Variants in FAM135B observed in about 807,000 individuals in gnomAD.
FAM135B encodes family with sequence similarity 135 member B.
A neutral mutation model predicts 127.7 loss-of-function variants in FAM135B; 43 were observed. The ratio of observed to expected loss-of-function variants is 0.34; its 90% CI spans 0.26 to 0.43. The LOEUF (loss-of-function observed/expected upper bound fraction) is 0.43. FAM135B is among the 20% of genes least tolerant of loss of function. The probability of loss-of-function intolerance (pLI) is 1.00; values close to 1 mark genes in which losing one functional copy is unlikely to be tolerated. For synonymous variants in FAM135B, 670 were observed against 665.1 expected (o/e 1.01, Z -0.11); for missense variants, 1,558 against 1,725.6 (o/e 0.90, Z 1.72).
chr8:138,416,415 T>A (rs1834157378), intron 1 of FAM135B, among the ~76,000 whole-genome samples: 1 of 152,212 alleles, frequency 6.6e-6, no homozygotes, highest in African/African-American at 2.4e-5. Context: ...GTACTTGTTT[T>A]ATTTCATCCA....
intron 1 of FAM135B, among the ~76,000 whole-genome samples, chr8:138,430,217 T>G (rs1835117973): frequency 6.6e-6 from 1 of 152,198 alleles, no homozygotes; most frequent in African/African-American, 2.4e-5. Flanking sequence ...GTGCCCATGC[T>G]GTTCCCACTT....
At chr8:138,387,176 T>C (rs78399789) in intron 1 of FAM135B, among the ~76,000 whole-genome samples, 378 of 152,280 alleles carry the variant, frequency 2.5e-3, no homozygotes, top group African/African-American at 8.6e-3. Context: ...ATTAACATTA[T>C]AGTTGCACAG....
At chr8:138,326,190 A>G (rs1235964400) in intron 2 of FAM135B, among the ~76,000 whole-genome samples, 1 of 152,148 alleles carries the variant, frequency 6.6e-6, no homozygotes, top group Non-Finnish European at 1.5e-5. Flanking sequence ...GTCAGCCCAG[A>G]TGGGGTTCTA....
intron 2 of FAM135B, among the ~76,000 whole-genome samples, chr8:138,338,331 A>C (rs1276739444): frequency 4.6e-5 from 7 of 151,842 alleles, no homozygotes; most frequent in African/African-American, 1.7e-4. Context: ...CAACCTACAA[A>C]ATGGGAGAAA....
intron 14 of FAM135B, among the ~76,000 whole-genome samples, chr8:138,147,614 A>C (rs1817758608): frequency 6.6e-6 from 1 of 152,186 alleles, no homozygotes. Flanking sequence ...TGCACCTTGA[A>C]CTAGAGAAGT....
rs1334443532 is a variant in FAM135B at position 138,130,262 on chromosome 8, A to AT, written c.*2330dup. 3 of 151,580 alleles carry AT rather than the reference A, an allele frequency of 2.0e-5. No individual in the cohort carries two copies. The highest frequency in any genetic ancestry group is 2.9e-5 in the Non-Finnish European group (2 of 67,936). The allele number at this position is 151,580 out of a possible 1,614,324, so 9.4% of individuals were successfully genotyped here. ...TATCTATATTTCAATAGAAAGAGACATAAAAAAGCCTTTTCAAATGAGGCA... is the reference window on the plus strand; with the variant it reads ...TATCTATATTTCAATAGAAAGAGACATTAAAAAAGCCTTTTCAAATGAGGCA... On this transcript the variant is annotated 3_prime_UTR_variant, in exon 20 of 20. Transcript: ENST00000395297.
At chr8:138,442,652 T>C (rs1465180080) in intron 1 of FAM135B, among the ~76,000 whole-genome samples, 2 of 150,892 alleles carry the variant, frequency 1.3e-5, no homozygotes, top group Non-Finnish European at 3.0e-5. Context: ...TTCTGGAGAG[T>C]AGCCAGGATG....
intron 1 of FAM135B, among the ~76,000 whole-genome samples, chr8:138,392,520 C>T (rs73717249): frequency 0.32 from 48,370 of 151,814 alleles, 8,064 homozygotes; most frequent in Non-Finnish European, 0.37. Flanking sequence ...TCAACCTGTC[C>T]ACCTCTCCCC....
chr8:138,380,469 C>A lies in FAM135B; in HGVS notation c.-19-12467G>T, dbSNP rs561493380. 2.6e-4 allele frequency among the ~76,000 whole-genome samples: 40 copies of A among 152,264 alleles called. No individual in the cohort carries two copies. The South Asian group carries it at 6.0e-3, about 23-fold the overall frequency. On this transcript the variant is annotated intron_variant, in intron 1 of 19. Coordinates refer to ENST00000395297, the MANE Select transcript of FAM135B (RefSeq NM_015912.4). Reference sequence around the variant, plus strand: ...TCAGCCTCCCAAAGTGCTGGAATTACAGGTATGAGCCACCATGCCTGGCCA... The same window carrying A: ...TCAGCCTCCCAAAGTGCTGGAATTAAAGGTATGAGCCACCATGCCTGGCCA...
chr8:138,264,430 C>G (rs900293089), intron 4 of FAM135B, among the ~76,000 whole-genome samples: 1 of 152,170 alleles, frequency 6.6e-6, no homozygotes, highest in Admixed American at 6.5e-5. Flanking sequence ...TGTAGCTTCA[C>G]GGGGCCTCCA....
At chr8:138,357,035 A>G (rs1830133343) in intron 2 of FAM135B, among the ~76,000 whole-genome samples, 1 of 152,188 alleles carries the variant, frequency 6.6e-6, no homozygotes, top group Non-Finnish European at 1.5e-5. Context: ...GAGTTTGATC[A>G]AAGAGAATAT....
At chr8:138,135,790 G>A (rs1236998577) in intron 19 of FAM135B, among the ~76,000 whole-genome samples, 1 of 152,104 alleles carries the variant, frequency 6.6e-6, no homozygotes, top group African/African-American at 2.4e-5. Flanking sequence ...TGCAGTAATT[G>A]AGAAGTTGTT....
Position 138,243,257 on chromosome 8 carries a change from C to G in FAM135B, c.543-189G>C, listed in dbSNP as rs750032397. ...GATGATAAAGAGGGTACAACTGGCA[C>G]GTAAGCTTGAAAGTCAATGATGATA... On this transcript the variant is annotated intron_variant, in intron 6 of 19. Coordinates refer to ENST00000395297, the MANE Select transcript of FAM135B (RefSeq NM_015912.4). This position sits in a 1 kb window ranked among gnomAD's most constrained non-coding sequence, Gnocchi z 7.5. Among the ~76,000 whole-genome samples the G allele has an allele frequency of 6.6e-6, 1 of 152,102 alleles. No individual in the cohort carries two copies. The highest frequency in any genetic ancestry group is 2.1e-4 in the South Asian group (1 of 4,824).
At chr8:138,403,051 T>C (rs1833240459) in intron 1 of FAM135B, among the ~76,000 whole-genome samples, 1 of 152,204 alleles carries the variant, frequency 6.6e-6, no homozygotes, top group Admixed American at 6.5e-5. Flanking sequence ...AGCTCGTACC[T>C]TGATCGTGGA....
intron 16 of FAM135B, 114 bp downstream of exon 16, chr8:138,142,898 G>C: frequency 3.2e-6 from 2 of 624,970 alleles, no homozygotes; most frequent in Non-Finnish European, 2.9e-6. Context: ...AAAGTCACAA[G>C]TTAGCTTAGC....
At chr8:138,466,427 C>T (rs16909189) in intron 1 of FAM135B, among the ~76,000 whole-genome samples, 15,001 of 152,044 alleles carry the variant, frequency 0.099, 1,138 homozygotes, top group African/African-American at 0.2. Flanking sequence ...TGTGAGGAGA[C>T]GAGAGCAGGA....
At position 138,242,537 on chromosome 8, in the gene FAM135B, C is replaced by G. The variant is rs1315570274; in HGVS notation, c.669+405G>C. Among the ~76,000 whole-genome samples, 1 of 152,046 alleles carries G rather than the reference C, an allele frequency of 6.6e-6. No individual in the cohort carries two copies. Among genetic ancestry groups the G allele is most frequent in the African/African-American group, 2.4e-5 (1 of 41,380 alleles). On this transcript the variant is annotated intron_variant, in intron 7 of 19. Coordinates refer to ENST00000395297, the MANE Select transcript of FAM135B (RefSeq NM_015912.4). The surrounding 1 kb of genome is among the most constrained non-coding windows in gnomAD (Gnocchi z 9.6). The stretch of plus-strand genomic sequence containing the variant: ...CATGAGATTATTAGCTATTGGGGAG[C>G]CCACTCTACAGGTGGGAAAACTGAT...
At chr8:138,385,528 G>C (rs1832144446) in intron 1 of FAM135B, among the ~76,000 whole-genome samples, 1 of 152,140 alleles carries the variant, frequency 6.6e-6, no homozygotes, top group Non-Finnish European at 1.5e-5. Flanking sequence ...AAAGCAAAAG[G>C]GGCCTGGCGA....
At chr8:138,290,053 T>A (rs1426801581) in intron 3 of FAM135B, among the ~76,000 whole-genome samples, 1 of 152,186 alleles carries the variant, frequency 6.6e-6, no homozygotes, top group African/African-American at 2.4e-5. Flanking sequence ...AGCCTTGAGA[T>A]GAGCATTGAA....
Sources: gnomAD v4.1 joint callset for allele counts (sites outside exome capture counted in the v4.1 genomes callset) on GRCh38, gnomAD v4.1.1 for gene constraint, Gnocchi (gnomAD v3.1) non-coding constraint, MANE v1.5 for transcripts, NCBI Gene and HGNC (gene_info 2026-07-23, HGNC 2026-07-21) for gene names.